The following ZNF337 variants were observed in gnomAD, a reference collection of about 807,000 sequenced individuals.
ZNF337 encodes the protein zinc finger protein 337.
Under a neutral mutation model 12.1 loss-of-function variants are expected in ZNF337, and 8 were observed. The observed-to-expected ratio is 0.66, with a 90% CI of 0.39 to 1.19. ZNF337 has a LOEUF of 1.19. Ranked by LOEUF, ZNF337 falls within the 50% of genes most tolerant of loss-of-function variation. The probability of loss-of-function intolerance (pLI) is 0.01; values close to 1 mark genes in which losing one functional copy is unlikely to be tolerated. For synonymous variants in ZNF337, 336 were observed against 320.0 expected (o/e 1.05, Z -0.53); for missense variants, 882 against 896.6 (o/e 0.98, Z 0.21).
intron 4 of ZNF337, among the ~76,000 whole-genome samples, chr20:25,685,312 A>T (rs555460745): frequency 1.3e-4 from 20 of 152,348 alleles, no homozygotes; most frequent in Non-Finnish European, 2.6e-4. Context: ...TCACGAGGAA[A>T]GTCACAAATG....
At chr20:25,691,622 T>G (rs534048883) in intron 1 of ZNF337, among the ~76,000 whole-genome samples, 1 of 152,280 alleles carries the variant, frequency 6.6e-6, no homozygotes, top group East Asian at 1.9e-4. Flanking sequence ...CAGGGTTCCA[T>G]CTTGTGATTT....
intron 4 of ZNF337, among the ~76,000 whole-genome samples, chr20:25,684,968 G>T (rs2065810867): frequency 6.6e-6 from 1 of 150,408 alleles, no homozygotes; most frequent in African/African-American, 2.5e-5. Context: ...ACACACTGGG[G>T]CATGTTGGGG....
At chr20:25,683,297 T>C (rs2065789568) in intron 4 of ZNF337, among the ~76,000 whole-genome samples, 1 of 151,892 alleles carries the variant, frequency 6.6e-6, no homozygotes, top group South Asian at 2.1e-4. Context: ...CTGCGGTGAC[T>C]ACAGGGACTT....
At chr20:25,684,608 G>A (rs73597845) in intron 4 of ZNF337, among the ~76,000 whole-genome samples, 5 of 152,026 alleles carry the variant, frequency 3.3e-5, no homozygotes, top group Non-Finnish European at 4.4e-5. Flanking sequence ...CATTTGACCC[G>A]GCAATGCCAT....
rs759475596 is a variant in ZNF337 at position 25,676,477 on chromosome 20, GT to G, written c.810del (p.Arg271GlufsTer41). The stretch of plus-strand genomic sequence containing the variant: ...AGGTATGACTTACTGGTATAGCCTC[GT>G]CCACACACCTTGCACAGAAAAGGCT... Reference protein sequence around the residue: ...GEKPFLCKVCGRGYTSKSYLT... With the variant: ...GEKPFLCKVCXRGYTSKSYLT... On this transcript the variant is annotated frameshift_variant, in exon 5 of 5. Coordinates refer to ENST00000252979, the MANE Select transcript of ZNF337 (RefSeq NM_015655.4). LOFTEE classifies it low-confidence loss of function (END_TRUNC). 1 of 1,613,642 alleles carries G rather than the reference GT, an allele frequency of 6.2e-7. No individual in the cohort carries two copies. The highest frequency in any genetic ancestry group is 1.1e-5 in the South Asian group (1 of 91,052).
At chr20:25,677,266 C>T (rs1049961787) in intron 4 of ZNF337, 4 of 445,464 alleles carry the variant, frequency 9.0e-6, no homozygotes, top group Non-Finnish European at 1.6e-5. Flanking sequence ...GACAAGGACA[C>T]AGCAAAAACA....
In ZNF337 at chr20:25,675,503, T is replaced by C. The variant is rs780686412; in HGVS notation, c.1785A>G (p.Ser595=). Residue 595 remains serine, a synonymous_variant, in exon 5 of 5, where the codon TCA becomes TCG. Transcript: ENST00000252979. The part of the protein sequence containing the change: ...STLLFHQKTH[S]GEKPFICSEC... ...CACTACAGATGAAAGGCTTCTCCCCTGAGTGTGTCTTCTGGTGGAAGAGGA... is the reference window on the plus strand; with the variant it reads ...CACTACAGATGAAAGGCTTCTCCCCCGAGTGTGTCTTCTGGTGGAAGAGGA... 1.2e-6 allele frequency: 2 copies of C among 1,614,200 alleles called. No homozygotes were observed. Among genetic ancestry groups the C allele is most frequent in the Non-Finnish European group, 1.7e-6 (2 of 1,180,014 alleles).
Position 25,675,857 on chromosome 20 carries a change from T to C in ZNF337, c.1431A>G (p.Leu477=). The C allele has an allele frequency of 1.2e-6, 2 of 1,614,050 alleles. No individual in the cohort carries two copies. Among genetic ancestry groups the C allele is most frequent in the Non-Finnish European group, 1.7e-6 (2 of 1,179,988 alleles). ...TCTCCTCTGAGTGTGTCCTCTGGTG[T>C]AAAGTGAAGGTTGACTTTTGGATAA... is the stretch of plus-strand genomic sequence containing the variant. ...RGFIQKSTFT[L]HQRTHSEEKP... Residue 477 remains leucine (L), a synonymous_variant, in exon 5 of 5, where the codon TTA becomes TTG. Transcript: ENST00000252979.
rs184625552 is a variant in ZNF337 at position 25,686,567 on chromosome 20, G to A, written c.-49-101C>T. 2.2e-4 allele frequency: 190 copies of A among 854,862 alleles called. No individual in the cohort carries two copies. In the African/African-American group the frequency reaches 2.9e-3, roughly 13 times the overall value. 53.0% of individuals were successfully genotyped at this position (854,862 alleles called of 1,614,324 possible). The stretch of plus-strand genomic sequence containing the variant: ...TACCAACTGGGGATCTGGGGAGGGC[G>A]CACCTGCACAATTCCCCTGTGGGGA... On this transcript the variant is annotated intron_variant, in intron 1 of 4. Transcript: ENST00000252979.
rs2065830742 is a variant in ZNF337, at chr20:25,686,117, G to C, written c.33C>G (p.Phe11Leu). 1 of 1,613,954 alleles carries C rather than the reference G, an allele frequency of 6.2e-7. No individual in the cohort carries two copies. Among genetic ancestry groups the C allele is most frequent in the African/African-American group, 1.3e-5 (1 of 75,028 alleles). The stretch of plus-strand genomic sequence containing the variant: ...CCACAGTGACATCCCCAAATGCCAA[G>C]AAAGCCTGTAACACAAAACCCAGGC... MGPQGARRQA[F>L]LAFGDVTVDF... Residue 11 changes from phenylalanine (F) to leucine (L), a missense_variant, in exon 3 of 5, where the codon TTC becomes TTG. Phe to Leu is a conservative substitution (Grantham distance 22). Coordinates refer to ENST00000252979, the MANE Select transcript of ZNF337 (RefSeq NM_015655.4).
chr20:25,689,546 T>C (rs973407383), intron 1 of ZNF337, among the ~76,000 whole-genome samples: 1 of 152,092 alleles, frequency 6.6e-6, no homozygotes, highest in East Asian at 1.9e-4. Flanking sequence ...ATAAGTGACC[T>C]GTGTATACTT....
rs745390473 is a variant in ZNF337, at chr20:25,685,643, T to C, written c.174A>G (p.Pro58=). The C allele has an allele frequency of 3.1e-6, 5 of 1,614,122 alleles. No individual in the cohort carries two copies. The highest frequency in any genetic ancestry group is 4.2e-6 in the Non-Finnish European group (5 of 1,180,004). The change falls in exon 4 of 5, where the codon CCA becomes CCG. Residue 58 remains proline (P), a synonymous_variant. Transcript: ENST00000252979. ...CTTGCTCTAGCCGCCTGATGAGTTC[T>C]GGTTTAGAATGGAGAATTCCTGCTC... is the stretch of plus-strand genomic sequence containing the variant. ...LVSLGILHSK[P]ELIRRLEQGE... is the part of the protein sequence containing the mutation.
At chr20:25,680,105 T>C (rs1183767518) in intron 4 of ZNF337, among the ~76,000 whole-genome samples, 1 of 152,110 alleles carries the variant, frequency 6.6e-6, no homozygotes, top group Non-Finnish European at 1.5e-5. Context: ...ATATTGCATA[T>C]TGTCACTCAT....
At chr20:25,694,615 C>CT (rs2065905432) in intron 1 of ZNF337, among the ~76,000 whole-genome samples, 1 of 152,184 alleles carries the variant, frequency 6.6e-6, no homozygotes. Flanking sequence ...CGAGGAAGCC[C>CT]TACCAACCTG....
rs1487370034 is a variant in ZNF337, at chr20:25,675,870, G to A, written c.1418C>T (p.Ser473Leu). Reference sequence around the variant, plus strand: ...TGTCCTCTGGTGTAAAGTGAAGGTTGACTTTTGGATAAAGCCTCGTCCACA... The same window carrying A: ...TGTCCTCTGGTGTAAAGTGAAGGTTAACTTTTGGATAAAGCCTCGTCCACA... ...KDCGRGFIQK[S>L]TFTLHQRTHS... Residue 473 changes from serine to leucine, a missense_variant, in exon 5 of 5, where the codon TCA (serine) becomes TTA (leucine). Physicochemically the swap from Ser to Leu is moderately radical, Grantham distance 145. Coordinates refer to ENST00000252979, the MANE Select transcript of ZNF337 (RefSeq NM_015655.4). The A allele has an allele frequency of 1.2e-6, 2 of 1,614,036 alleles. No homozygotes were observed. The highest frequency in any genetic ancestry group is 2.2e-5 in the East Asian group (1 of 44,882).
chr20:25,675,180 T>C lies in ZNF337; in HGVS notation c.2108A>G (p.His703Arg), dbSNP rs1470892818. 2 of 1,614,258 alleles carry C rather than the reference T, an allele frequency of 1.2e-6. No individual in the cohort carries two copies. Among genetic ancestry groups the C allele is most frequent in the Admixed American group, 1.7e-5 (1 of 60,036 alleles). The change falls in exon 5 of 5, where the codon CAT (histidine) becomes CGT (arginine). Residue 703 changes from histidine to arginine, a missense_variant. Transcript: ENST00000252979. ...CCTCTCTCCTGTGTGTATTCTTTCA[T>C]GCACAGTGAGGTCTGACTTACTGGT... Reference protein sequence around the residue: ...GYTSKSDLTVHERIHTGERPY... With the variant: ...GYTSKSDLTVRERIHTGERPY...
At position 25,676,563 on chromosome 20, in the gene ZNF337, CCA is replaced by C. The variant is rs765361486; in HGVS notation, c.723_724del (p.Cys241TrpfsTer35). 1.9e-6 allele frequency: 3 copies of C among 1,614,140 alleles called. No individual in the cohort carries two copies. Among genetic ancestry groups the C allele is most frequent in the African/African-American group, 1.3e-5 (1 of 75,042 alleles). On this transcript the variant is annotated frameshift_variant, in exon 5 of 5. Transcript: ENST00000252979. LOFTEE classifies it low-confidence loss of function (END_TRUNC). ...GTTGGCCTTGAGGCTGAAGCCTCGCCCACACACACTGCACACATAGGACTTCT... is the reference window on the plus strand; with the variant it reads ...GTTGGCCTTGAGGCTGAAGCCTCGCCCACACACTGCACACATAGGACTTCT...
Position 25,676,869 on chromosome 20 carries a change from G to A in ZNF337, c.419C>T (p.Ala140Val). ...ACTGTTCCTCCTCCTTGAGCTTACTGCATGTCTTAGGGGTGGGCTGGAAAA... is the reference window on the plus strand; with the variant it reads ...ACTGTTCCTCCTCCTTGAGCTTACTACATGTCTTAGGGGTGGGCTGGAAAA... ...MAFSSPPLRH[A>V]VSSRRRNSVV... is the part of the protein sequence containing the mutation. The change falls in exon 5 of 5, where the codon GCA (alanine) becomes GTA (valine). Residue 140 changes from alanine (A) to valine (V), a missense_variant. Ala to Val is a moderately conservative substitution (Grantham distance 64). Transcript: ENST00000252979. The A allele has an allele frequency of 2.5e-6, 4 of 1,614,072 alleles. No individual in the cohort carries two copies. Among genetic ancestry groups the A allele is most frequent in the Non-Finnish European group, 3.4e-6 (4 of 1,180,018 alleles).
intron 4 of ZNF337, among the ~76,000 whole-genome samples, chr20:25,682,640 C>G (rs2065780433): frequency 6.6e-6 from 1 of 152,066 alleles, no homozygotes. Flanking sequence ...CAAAACCAGC[C>G]TGGCCAACAT....
Sources: gnomAD v4.1 joint callset for allele counts (sites outside exome capture counted in the v4.1 genomes callset) on GRCh38, gnomAD v4.1.1 for gene constraint, MANE v1.5 for transcripts, NCBI Gene and HGNC (gene_info 2026-07-23, HGNC 2026-07-21) for gene names.